Variants in RORA observed in about 807,000 individuals in gnomAD.
RORA encodes the protein nuclear receptor ROR-alpha.
RORA carries 7 observed loss-of-function variants against 69.5 expected under a neutral mutation model. That is an observed-to-expected ratio of 0.10 (90% confidence interval 0.06 to 0.19). The LOEUF (loss-of-function observed/expected upper bound fraction) is 0.19. RORA is among the 10% of genes least tolerant of loss of function. The pLI, the probability that RORA is intolerant of heterozygous loss-of-function variation, is 1.00. For synonymous variants in RORA, 261 were observed against 240.8 expected (o/e 1.08, Z -0.78); for missense variants, 457 against 663.0 (o/e 0.69, Z 3.41).
intron 1 of RORA, among the ~76,000 whole-genome samples, chr15:60,840,835 C>G (rs1265683468): frequency 6.6e-6 from 1 of 152,210 alleles, no homozygotes; most frequent in Non-Finnish European, 1.5e-5. Context: ...AGCATCCTGC[C>G]TGGCACTGTG....
At chr15:60,948,399 G>A (rs954270149) in intron 1 of RORA, among the ~76,000 whole-genome samples, 7 of 152,134 alleles carry the variant, frequency 4.6e-5, no homozygotes, top group Non-Finnish European at 8.8e-5. Context: ...ATTTACAAAT[G>A]AGTTATAGAA....
chr15:60,673,121 C>T (rs1038942428), intron 2 of RORA, among the ~76,000 whole-genome samples: 1 of 152,156 alleles, frequency 6.6e-6, no homozygotes, highest in Non-Finnish European at 1.5e-5. Flanking sequence ...AGTGGGAATA[C>T]AAATACTTTT....
chr15:60,584,499 TCTGA>T (rs911517524), intron 2 of RORA, among the ~76,000 whole-genome samples: 19 of 152,240 alleles, frequency 1.2e-4, no homozygotes, highest in Admixed American at 1.0e-3. Context: ...AGCAGCCTTC[TCTGA>T]CTAAGTGTGG....
At chr15:60,955,059 T>G (rs1893225765) in intron 1 of RORA, among the ~76,000 whole-genome samples, 1 of 152,148 alleles carries the variant, frequency 6.6e-6, no homozygotes, top group South Asian at 2.1e-4. Flanking sequence ...ATCCCAGCAC[T>G]TTGGGAGGCC....
chr15:60,763,023 G>T (rs532123017), intron 1 of RORA, among the ~76,000 whole-genome samples: 2 of 141,202 alleles, frequency 1.4e-5, no homozygotes, highest in African/African-American at 2.7e-5. Flanking sequence ...AGGGAAAAAG[G>T]CATTTAATTA....
At chr15:60,816,124 ATATG>A (rs917517158) in intron 1 of RORA, among the ~76,000 whole-genome samples, 3 of 128,090 alleles carry the variant, frequency 2.3e-5, no homozygotes, top group Non-Finnish European at 4.7e-5. Flanking sequence ...TGTAAACAGT[ATATG>A]TATTTATATA....
intron 2 of RORA, among the ~76,000 whole-genome samples, chr15:60,590,790 C>T (rs1046424592): frequency 6.6e-6 from 1 of 152,078 alleles, no homozygotes; most frequent in South Asian, 2.1e-4. Context: ...TGCTTAAGAG[C>T]GCGGATCACG....
At chr15:61,113,402 C>G (rs1352267486) in intron 1 of RORA, among the ~76,000 whole-genome samples, 2 of 152,182 alleles carry the variant, frequency 1.3e-5, no homozygotes, top group African/African-American at 4.8e-5. Flanking sequence ...ATTCTGAGGA[C>G]AGCAGGGAAC....
intron 2 of RORA, among the ~76,000 whole-genome samples, chr15:60,611,909 C>T (rs752444580): frequency 6.6e-6 from 1 of 152,214 alleles, no homozygotes; most frequent in African/African-American, 2.4e-5. Flanking sequence ...GACATTTTCC[C>T]CTAAGTCCTT....
At chr15:61,058,855 C>T (rs60601176) in intron 1 of RORA, among the ~76,000 whole-genome samples, 35,473 of 152,114 alleles carry the variant, frequency 0.23, 4,225 homozygotes, top group South Asian at 0.28. Flanking sequence ...CAAAGCCCAA[C>T]GCCTAACACA....
chr15:60,599,033 T>C (rs1220869631), intron 2 of RORA, among the ~76,000 whole-genome samples: 2 of 152,200 alleles, frequency 1.3e-5, no homozygotes, highest in East Asian at 3.8e-4. Flanking sequence ...AACGCAATGC[T>C]TATAATGTAA....
intron 1 of RORA, among the ~76,000 whole-genome samples, chr15:60,799,314 C>G (rs1345981556): frequency 6.6e-6 from 1 of 152,176 alleles, no homozygotes; most frequent in Non-Finnish European, 1.5e-5. Context: ...GCAAAGGTGA[C>G]AGACTGATGA....
At chr15:60,629,846 C>A (rs2069693606) in intron 2 of RORA, among the ~76,000 whole-genome samples, 1 of 152,142 alleles carries the variant, frequency 6.6e-6, no homozygotes, top group African/African-American at 2.4e-5. Flanking sequence ...AAGGGAGGGG[C>A]AAGGGCTATA....
chr15:60,687,909 A>G, intron 1 of RORA, among the ~76,000 whole-genome samples: 1 of 152,218 alleles, frequency 6.6e-6, no homozygotes, highest in Non-Finnish European at 1.5e-5. Flanking sequence ...TACCAGCTAT[A>G]TAATTTGGGG....
rs1056827269 is a variant in RORA at position 60,819,795 on chromosome 15, G to A, written c.167-141109C>T. ...CACACACACACACACACACACACAC[G>A]GGTTGCTTTTTCATGGGTGGAACTC... On this transcript the variant is annotated intron_variant, in intron 1 of 10. Coordinates refer to ENST00000335670, the MANE Select transcript of RORA (RefSeq NM_134261.3). Among the ~76,000 whole-genome samples the A allele has an allele frequency of 4.0e-5, 4 of 99,654 alleles. No individual in the cohort carries two copies. In the Admixed American group the frequency reaches 4.5e-4, roughly 11 times the overall value. 65.4% of individuals were successfully genotyped at this position (99,654 alleles called of 152,430 possible). A position where few individuals can be genotyped will look rare whatever the true frequency, so the allele number is the denominator to read the frequency against.
At position 60,707,787 on chromosome 15, in the gene RORA, C is replaced by G. The variant is rs76260826; in HGVS notation, c.167-29101G>C. ...AGCTCTTCTCTGTTTCCATGAAGTT[C>G]CCATTTGTGTCCAGTTCTTGGCTGG... On this transcript the variant is annotated intron_variant, in intron 1 of 10. Coordinates refer to ENST00000335670, the MANE Select transcript of RORA (RefSeq NM_134261.3). Among the ~76,000 whole-genome samples, 410 of 152,304 alleles carry G rather than the reference C, an allele frequency of 2.7e-3. 2 individuals carry two copies. The highest frequency in any genetic ancestry group is 9.4e-3 in the African/African-American group (392 of 41,570).
intron 1 of RORA, among the ~76,000 whole-genome samples, chr15:61,036,562 C>T (rs986385907): frequency 6.6e-5 from 10 of 152,194 alleles, no homozygotes; most frequent in Non-Finnish European, 1.0e-4. Flanking sequence ...AGCAGGTCTG[C>T]GCGTTTTAAT....
chr15:60,589,319 T>C (rs1350543121), intron 2 of RORA, among the ~76,000 whole-genome samples: 1 of 152,238 alleles, frequency 6.6e-6, no homozygotes, highest in Non-Finnish European at 1.5e-5. Flanking sequence ...CATTTGCACA[T>C]GAATCAGGCC....
intron 1 of RORA, among the ~76,000 whole-genome samples, chr15:60,723,764 T>C (rs1036336143): frequency 6.6e-6 from 1 of 152,164 alleles, no homozygotes; most frequent in Admixed American, 6.5e-5. Flanking sequence ...TATTGAGTGC[T>C]TACTACATGC....
Sources: gnomAD v4.1 joint callset for allele counts (sites outside exome capture counted in the v4.1 genomes callset) on GRCh38, gnomAD v4.1.1 for gene constraint, MANE v1.5 for transcripts, NCBI Gene and HGNC (gene_info 2026-07-23, HGNC 2026-07-21) for gene names.